Variants in CACNA1E observed in about 807,000 individuals in gnomAD.
CACNA1E encodes the protein voltage-dependent R-type calcium channel subunit alpha-1E.
A neutral mutation model predicts 259.2 loss-of-function variants in CACNA1E; 40 were observed. That is an observed-to-expected ratio of 0.15 (90% CI 0.12 to 0.20). The LOEUF (loss-of-function observed/expected upper bound fraction) is 0.20, where lower values mean the gene tolerates loss of function less well. CACNA1E is among the 10% of genes least tolerant of loss of function. The pLI, the probability that CACNA1E is intolerant of heterozygous loss-of-function variation, is 1.00. For synonymous variants in CACNA1E, 1,104 were observed against 1,138.5 expected (o/e 0.97, Z 0.61); for missense variants, 1,874 against 3,040.1 (o/e 0.62, Z 9.02).
intron 21 of CACNA1E, among the ~76,000 whole-genome samples, chr1:181,733,979 C>T (rs957560177): frequency 3.9e-5 from 6 of 152,194 alleles, no homozygotes; most frequent in African/African-American, 1.2e-4. Context: ...CTGTGACCAC[C>T]CTCAAGTCTT....
chr1:181,517,678 C>T (rs1185779994), intron 3 of CACNA1E, among the ~76,000 whole-genome samples: 3 of 151,868 alleles, frequency 2.0e-5, no homozygotes, highest in South Asian at 2.1e-4. Flanking sequence ...TGGGAGCTGC[C>T]GTCCTCATCC....
chr1:181,397,362 A>G (rs1258946346), intron 1 of CACNA1E, among the ~76,000 whole-genome samples: 1 of 152,006 alleles, frequency 6.6e-6, no homozygotes, highest in Non-Finnish European at 1.5e-5. Flanking sequence ...GTGCAGTGGC[A>G]CGATCTTAGC....
At chr1:181,690,460 C>A (rs1335440135) in intron 7 of CACNA1E, among the ~76,000 whole-genome samples, 1 of 152,104 alleles carries the variant, frequency 6.6e-6, no homozygotes, top group African/African-American at 2.4e-5. Flanking sequence ...GCTATAAGGG[C>A]TCTTTTTTGG....
At chr1:181,467,618 T>A (rs1210711298) in intron 2 of CACNA1E, among the ~76,000 whole-genome samples, 1 of 152,138 alleles carries the variant, frequency 6.6e-6, no homozygotes, top group African/African-American at 2.4e-5. Context: ...TGCAGGCCTA[T>A]GAGACCATCA....
intron 32 of CACNA1E, among the ~76,000 whole-genome samples, chr1:181,761,497 C>A (rs1658581152): frequency 6.6e-6 from 1 of 152,184 alleles, no homozygotes; most frequent in Admixed American, 6.5e-5. Flanking sequence ...TATACTTCTG[C>A]AGTGCTCTGA....
intron 1 of CACNA1E, among the ~76,000 whole-genome samples, chr1:181,362,792 A>T (rs1653983364): frequency 6.6e-6 from 1 of 152,230 alleles, no homozygotes; most frequent in Non-Finnish European, 1.5e-5. Flanking sequence ...GAACCGGAGC[A>T]AATGTGAAAG....
intron 3 of CACNA1E, among the ~76,000 whole-genome samples, chr1:181,570,232 A>C (rs1050397592): frequency 6.6e-6 from 1 of 150,608 alleles, no homozygotes; most frequent in African/African-American, 2.4e-5. Flanking sequence ...TTTTGGGAAG[A>C]TCTTATTGTG....
At chr1:181,686,363 T>G (rs1043280631) in intron 7 of CACNA1E, among the ~76,000 whole-genome samples, 3 of 136,038 alleles carry the variant, frequency 2.2e-5, no homozygotes, top group Non-Finnish European at 4.6e-5. Context: ...CTTGGCTCAC[T>G]GCAACCTCTA....
chr1:181,760,570 AG>A (rs1485906317), intron 32 of CACNA1E, among the ~76,000 whole-genome samples: 2 of 152,284 alleles, frequency 1.3e-5, no homozygotes, highest in Non-Finnish European at 2.9e-5. Flanking sequence ...GAAGGGAAAA[AG>A]AAAAAGAGGG....
chr1:181,431,984 G>A (rs1208830241), intron 2 of CACNA1E, among the ~76,000 whole-genome samples: 3 of 152,150 alleles, frequency 2.0e-5, no homozygotes, highest in East Asian at 3.8e-4. Flanking sequence ...TGCCCACCCT[G>A]CCATCTTTAG....
chr1:181,678,982 A>G (rs1649652978), intron 7 of CACNA1E, among the ~76,000 whole-genome samples: 1 of 152,196 alleles, frequency 6.6e-6, no homozygotes, highest in African/African-American at 2.4e-5. Flanking sequence ...AAGAGCCTCT[A>G]GATAACTACA....
chr1:181,556,970 G>A (rs1648793279), intron 3 of CACNA1E, among the ~76,000 whole-genome samples: 1 of 152,202 alleles, frequency 6.6e-6, no homozygotes, highest in Admixed American at 6.5e-5. Context: ...CAGAGAAGGT[G>A]TGAGATCAGC....
At chr1:181,784,356 GTTA>G (rs1660683225) in intron 40 of CACNA1E, among the ~76,000 whole-genome samples, 1 of 152,178 alleles carries the variant, frequency 6.6e-6, no homozygotes, top group South Asian at 2.1e-4. Flanking sequence ...TGCGGCTATT[GTTA>G]TTTTCTCCTC....
Position 181,736,901 on chromosome 1 carries a change from G to A in CACNA1E, c.3422+467G>A, listed in dbSNP as rs544486049. 1.8e-4 allele frequency among the ~76,000 whole-genome samples: 28 copies of A among 152,304 alleles called. 1 individual carries two copies. The East Asian group carries it at 3.3e-3, about 18-fold the overall frequency. On this transcript the variant is annotated intron_variant, in intron 22 of 47. Transcript: ENST00000367573. Reference sequence around the variant, plus strand: ...TGCTCTGAGCATGCTACTCAGAGCAGAGGCAGGGACATGAAGTGGGGGTGA... The same window carrying A: ...TGCTCTGAGCATGCTACTCAGAGCAAAGGCAGGGACATGAAGTGGGGGTGA...
chr1:181,684,305 CT>C (rs1650291524), intron 7 of CACNA1E, among the ~76,000 whole-genome samples: 1 of 151,990 alleles, frequency 6.6e-6, no homozygotes, highest in Admixed American at 6.6e-5. Flanking sequence ...TTGTTCATGT[CT>C]TTTGTCCATT....
At chr1:181,335,054 A>G (rs1297715936) in intron 1 of CACNA1E, among the ~76,000 whole-genome samples, 6 of 152,138 alleles carry the variant, frequency 3.9e-5, no homozygotes. Flanking sequence ...TCCCTCTGGC[A>G]TGCTCTTCTC....
intron 6 of CACNA1E, among the ~76,000 whole-genome samples, chr1:181,649,937 T>G (rs995890978): frequency 6.6e-6 from 1 of 152,202 alleles, no homozygotes; most frequent in Admixed American, 6.5e-5. Context: ...AAATAATCTG[T>G]ACAACAAACC....
intron 1 of CACNA1E, among the ~76,000 whole-genome samples, chr1:181,362,978 G>C (rs1359368072): frequency 1.3e-5 from 2 of 152,178 alleles, no homozygotes; most frequent in African/African-American, 2.4e-5. Flanking sequence ...AGGTATCTGT[G>C]AAAGGACATA....
chr1:181,750,869 A>G (rs1008689190), intron 26 of CACNA1E, among the ~76,000 whole-genome samples: 2 of 152,196 alleles, frequency 1.3e-5, no homozygotes, highest in African/African-American at 4.8e-5. Flanking sequence ...TCATTAAGAG[A>G]GTCTTAAAAT....
Sources: allele counts gnomAD v4.1 joint callset (sites outside exome capture counted in the v4.1 genomes callset), GRCh38; gene constraint gnomAD v4.1.1; transcripts MANE v1.5; gene names NCBI Gene and HGNC (gene_info 2026-07-23, HGNC 2026-07-21).